DNAJC6: variants seen among roughly 807,000 people sequenced by gnomAD.
DNAJC6 encodes the protein DnaJ heat shock protein family (Hsp40) member C6, also known as auxilin.
In DNAJC6, 34 loss-of-function variants were observed where a neutral mutation model predicts 110.0. The observed-to-expected ratio is 0.31, with a 90% confidence interval of 0.24 to 0.41. The LOEUF is 0.41. Ranked by LOEUF, DNAJC6 falls within the 10% of genes least tolerant of loss-of-function variation. The probability of loss-of-function intolerance (pLI) is 1.00; values close to 1 mark genes in which losing one functional copy is unlikely to be tolerated. For missense variants in DNAJC6, 1,031 were observed against 1,207.8 expected, an observed-to-expected ratio of 0.85 and a Z score of 2.17; for synonymous variants, 406 against 437.2, an observed-to-expected ratio of 0.93 and a Z score of 0.89.
At chr1:65,358,208 T>G (rs576628964) in intron 1 of DNAJC6, among the ~76,000 whole-genome samples, 1 of 142,372 alleles carries the variant, frequency 7.0e-6, no homozygotes, top group Non-Finnish European at 1.5e-5. Flanking sequence ...AAACAAAACC[T>G]AATGAATGTA....
intron 1 of DNAJC6, among the ~76,000 whole-genome samples, chr1:65,283,066 A>G (rs1045478564): frequency 3.9e-5 from 6 of 152,222 alleles, no homozygotes; most frequent in Admixed American, 1.3e-4. Flanking sequence ...GCCTCCCTGA[A>G]TGTTCACATC....
intron 1 of DNAJC6, among the ~76,000 whole-genome samples, chr1:65,320,499 C>T (rs1645188211): frequency 6.6e-6 from 1 of 152,152 alleles, no homozygotes; most frequent in Admixed American, 6.5e-5. Flanking sequence ...TTGGGCAAGT[C>T]ATTCAAATGA....
rs371252917 is a variant in DNAJC6 at position 65,346,032 on chromosome 1, A to G, written c.194-18603A>G. ...GTACTTAGGTAGCAGATTTTCCTCC[A>G]AATGCTTGCTGTGGGTTTTTTGGGT... On this transcript the variant is annotated intron_variant, in intron 1 of 18. Transcript: ENST00000371069. 2.6e-5 allele frequency among the ~76,000 whole-genome samples: 4 copies of G among 152,224 alleles called. No individual in the cohort carries two copies. In the South Asian group the frequency reaches 8.3e-4, roughly 32 times the overall value.
chr1:65,305,791 A>G (rs1645031654), upstream of DNAJC6, among the ~76,000 whole-genome samples: 1 of 152,172 alleles, frequency 6.6e-6, no homozygotes, highest in Admixed American at 6.5e-5. Flanking sequence ...CAAATCTCTT[A>G]GGTAAGCTGG....
At chr1:65,351,141 A>T (rs764612319) in intron 1 of DNAJC6, among the ~76,000 whole-genome samples, 20 of 152,220 alleles carry the variant, frequency 1.3e-4, no homozygotes, top group Non-Finnish European at 2.2e-4. Context: ...CCACTATTCT[A>T]CTTGGGCTCT....
In DNAJC6 at chr1:65,414,458, T is replaced by A. The variant is rs934888630; in HGVS notation, c.*1433T>A. On this transcript the variant is annotated 3_prime_UTR_variant, in exon 19 of 19. Coordinates refer to ENST00000371069, the MANE Select transcript of DNAJC6 (RefSeq NM_001256864.2). ...CTTCAAAGGTTCATGCTCAATATTG[T>A]GAAAAGCTTTTAAAAGTTGTTTTGA... 6.6e-6 allele frequency: 1 copy of A among 152,660 alleles called. No individual in the cohort carries two copies. The highest frequency in any genetic ancestry group is 2.4e-5 in the African/African-American group (1 of 41,460). The allele number at this position is 152,660 out of a possible 1,614,324, so 9.5% of individuals were successfully genotyped here. A position where few individuals can be genotyped will look rare whatever the true frequency, so the allele number is the denominator to read the frequency against.
At position 65,364,752 on chromosome 1, in the gene DNAJC6, A is replaced by G. The variant is rs1645629898; in HGVS notation, c.311A>G (p.Asp104Gly). Residue 104 changes from aspartate (D) to glycine (G), a missense_variant, in exon 2 of 19, where the codon GAC becomes GGC. Physicochemically the swap from Asp to Gly is moderately conservative, Grantham distance 94. Coordinates refer to ENST00000371069, the MANE Select transcript of DNAJC6 (RefSeq NM_001256864.2). ...GACAACTTGAAAGACACCCTCAAAG[A>G]CACATCTTCTAGAGTGATACAATCT... ...LKDNLKDTLK[D>G]TSSRVIQSVT... 3 of 1,613,044 alleles carry G rather than the reference A, an allele frequency of 1.9e-6. No individual in the cohort carries two copies. The highest frequency in any genetic ancestry group is 1.3e-5 in the African/African-American group (1 of 74,808).
At chr1:65,281,642 T>C (rs185026799) in intron 1 of DNAJC6, among the ~76,000 whole-genome samples, 4 of 152,222 alleles carry the variant, frequency 2.6e-5, no homozygotes, top group Admixed American at 2.0e-4. Flanking sequence ...GGAGTCTCGC[T>C]CTGTCACCCA....
At chr1:65,354,621 C>A (rs1645524962) in intron 1 of DNAJC6, among the ~76,000 whole-genome samples, 1 of 152,156 alleles carries the variant, frequency 6.6e-6, no homozygotes, top group African/African-American at 2.4e-5. Flanking sequence ...CCATCATAGT[C>A]TAGTATTCTT....
chr1:65,331,745 G>T (rs1570286862), intron 1 of DNAJC6, among the ~76,000 whole-genome samples: 2 of 152,330 alleles, frequency 1.3e-5, no homozygotes, highest in East Asian at 3.9e-4. Context: ...TACCATGTTT[G>T]CTGAGTATGA....
chr1:65,323,427 C>A (rs541765181), intron 1 of DNAJC6, among the ~76,000 whole-genome samples: 1 of 152,210 alleles, frequency 6.6e-6, no homozygotes, highest in East Asian at 1.9e-4. Context: ...GTCTTGCTTC[C>A]CCTTTGCCTT....
At position 65,412,884 on chromosome 1, in the gene DNAJC6, G is replaced by A. The variant is rs189499800; in HGVS notation, c.2812-40G>A. ...AAAAATTTAATATTAATGAAATTTT[G>A]GTCTGTGGTATCTAATGTGTGTTTT... On this transcript the variant is annotated intron_variant, in intron 18 of 18. Transcript: ENST00000371069. The A allele has an allele frequency of 2.6e-5, 39 of 1,508,590 alleles. No homozygotes were observed. The Admixed American group carries it at 4.2e-4, about 16-fold the overall frequency. 93.5% of individuals were successfully genotyped at this position (1,508,590 alleles called of 1,614,324 possible). A position where few individuals can be genotyped will look rare whatever the true frequency, so the allele number is the denominator to read the frequency against.
Position 65,413,283 on chromosome 1 carries a change from C to G in DNAJC6, c.*258C>G. ...GCAGAACCACCGCATTCCACCCTGC[C>G]CTTTGGGGAGCCTACTCAGCATTCT... On this transcript the variant is annotated 3_prime_UTR_variant, in exon 19 of 19. Transcript: ENST00000371069. The G allele has an allele frequency of 2.6e-6, 1 of 379,058 alleles. No homozygotes were observed. Among genetic ancestry groups the G allele is most frequent in the Admixed American group, 4.3e-5 (1 of 23,280 alleles). 23.5% of individuals were successfully genotyped at this position (379,058 alleles called of 1,614,324 possible).
At chr1:65,358,800 C>A (rs940893255) in intron 1 of DNAJC6, among the ~76,000 whole-genome samples, 1 of 152,168 alleles carries the variant, frequency 6.6e-6, no homozygotes, top group African/African-American at 2.4e-5. Context: ...TAGCCTCTTG[C>A]CATGGTAAAC....
intron 1 of DNAJC6, among the ~76,000 whole-genome samples, chr1:65,325,041 C>A (rs1645230025): frequency 2.6e-5 from 4 of 152,120 alleles, no homozygotes; most frequent in Admixed American, 2.6e-4. Context: ...TTGAACTATA[C>A]CCTACAGGAA....
intron 1 of DNAJC6, among the ~76,000 whole-genome samples, chr1:65,333,700 ATGTTTGAG>A (rs1181940536): frequency 5.3e-5 from 8 of 152,200 alleles, no homozygotes; most frequent in Non-Finnish European, 1.5e-5. Context: ...ATTGCTTTAA[ATGTTTGAG>A]GAAATAACTG....
rs183131696 is a variant in DNAJC6 at position 65,362,412 on chromosome 1, G to A, written c.194-2223G>A. On this transcript the variant is annotated intron_variant, in intron 1 of 18. Transcript: ENST00000371069. Reference sequence around the variant, plus strand: ...ATTTTGAAAATCTTATATATTGCAAGTTTTGAAAAAGAATAGATGCCATTC... The same window carrying A: ...ATTTTGAAAATCTTATATATTGCAAATTTTGAAAAAGAATAGATGCCATTC... Among the ~76,000 whole-genome samples the A allele has an allele frequency of 5.9e-5, 9 of 152,162 alleles. No individual in the cohort carries two copies. In the East Asian group the frequency reaches 1.7e-3, roughly 29 times the overall value.
chr1:65,332,193 C>T (rs926717570), intron 1 of DNAJC6, among the ~76,000 whole-genome samples: 2 of 152,056 alleles, frequency 1.3e-5, no homozygotes, highest in African/African-American at 2.4e-5. Flanking sequence ...CAAATGTTAA[C>T]GTGGGGCACT....
intron 4 of DNAJC6, among the ~76,000 whole-genome samples, chr1:65,375,751 G>T (rs1645759960): frequency 6.6e-6 from 1 of 152,164 alleles, no homozygotes; most frequent in Non-Finnish European, 1.5e-5. Flanking sequence ...GTTGATAATG[G>T]TGAATGATCT....
Sources: allele counts gnomAD v4.1 joint callset (sites outside exome capture counted in the v4.1 genomes callset), GRCh38; gene constraint gnomAD v4.1.1; transcripts MANE v1.5; gene names NCBI Gene and HGNC (gene_info 2026-07-23, HGNC 2026-07-21).